CSMD3: variants seen among roughly 807,000 people sequenced by gnomAD.
The protein encoded by CSMD3 is CUB and Sushi multiple domains 3.
Under a neutral mutation model 435.2 loss-of-function variants are expected in CSMD3, and 177 were observed. The observed-to-expected ratio is 0.41, with a 90% CI of 0.36 to 0.46. The LOEUF (loss-of-function observed/expected upper bound fraction) is 0.46, where lower values mean the gene tolerates loss of function less well. CSMD3 is among the 20% of genes least tolerant of loss of function. The probability of loss-of-function intolerance (pLI) is 0.34; values close to 1 mark genes in which losing one functional copy is unlikely to be tolerated. For synonymous variants in CSMD3, 1,656 were observed against 1,520.5 expected, an observed-to-expected ratio of 1.09 and a Z score of -2.07; for missense variants, 4,265 against 4,504.6, an observed-to-expected ratio of 0.95 and a Z score of 1.52.
intron 30 of CSMD3, 25 bp from the exon 31 acceptor site, chr8:112,492,708 T>C: frequency 6.3e-7 from 1 of 1,587,128 alleles, no homozygotes. Flanking sequence ...TAGTATAACA[T>C]TAATTGCTTT....
chr8:112,714,583 C>T (rs1254099171), intron 13 of CSMD3, among the ~76,000 whole-genome samples: 1 of 152,190 alleles, frequency 6.6e-6, no homozygotes, highest in African/African-American at 2.4e-5. Flanking sequence ...ACCTAATCAA[C>T]ATCTACAGAA....
At position 112,492,698 on chromosome 8, in the gene CSMD3, T is replaced by C; in HGVS notation, c.5084-15A>G. The C allele has an allele frequency of 6.2e-7, 1 of 1,605,390 alleles. No homozygotes were observed. Among genetic ancestry groups the C allele is most frequent in the Non-Finnish European group, 8.5e-7 (1 of 1,172,138 alleles). The stretch of plus-strand genomic sequence containing the variant: ...TCGCAGTTTTGCTGTAAAACAGTGT[T>C]AGTATAACATTAATTGCTTTAAAAT... On this transcript the variant is annotated splice_polypyrimidine_tract_variant and intron_variant, in intron 30 of 70. Coordinates refer to ENST00000297405, the MANE Select transcript of CSMD3 (RefSeq NM_198123.2).
intron 37 of CSMD3, among the ~76,000 whole-genome samples, chr8:112,382,308 T>G: frequency 8.7e-6 from 1 of 114,698 alleles, no homozygotes; most frequent in Non-Finnish European, 2.0e-5. Context: ...AAAAAAAAAA[T>G]TAATAATACT....
At chr8:112,922,656 C>A (rs758741333) in intron 9 of CSMD3, among the ~76,000 whole-genome samples, 3 of 151,926 alleles carry the variant, frequency 2.0e-5, no homozygotes, top group African/African-American at 4.8e-5. Flanking sequence ...TGGCTCAATT[C>A]GCATAACAAT....
intron 24 of CSMD3, among the ~76,000 whole-genome samples, chr8:112,567,796 T>G (rs1829179188): frequency 6.6e-6 from 1 of 152,136 alleles, no homozygotes; most frequent in South Asian, 2.1e-4. Context: ...GATCTCAATT[T>G]CTGATCTGTT....
At position 112,646,864 on chromosome 8, in the gene CSMD3, G is replaced by A. The variant is rs944332186; in HGVS notation, c.3194-1639C>T. On this transcript the variant is annotated intron_variant, in intron 19 of 70. Coordinates refer to ENST00000297405, the MANE Select transcript of CSMD3 (RefSeq NM_198123.2). ...TTTTATAAGATGAAACTAAAAACAT[G>A]AAGACATAAATTTTATTTTATATCT... is the stretch of plus-strand genomic sequence containing the variant. Among the ~76,000 whole-genome samples the A allele has an allele frequency of 6.6e-5, 10 of 152,018 alleles. 1 individual carries two copies. The highest frequency in any genetic ancestry group is 6.5e-4 in the Admixed American group (10 of 15,268).
chr8:112,644,925 A>G (rs1586876845), intron 20 of CSMD3, among the ~76,000 whole-genome samples, 184 bp downstream of exon 20: 1 of 152,280 alleles, frequency 6.6e-6, no homozygotes, highest in East Asian at 1.9e-4. Flanking sequence ...TGAGCACAAT[A>G]TAATACTATA....
At chr8:113,249,503 T>G (rs1271546858) in intron 3 of CSMD3, among the ~76,000 whole-genome samples, 1 of 152,098 alleles carries the variant, frequency 6.6e-6, no homozygotes, top group Non-Finnish European at 1.5e-5. Context: ...TTGTACATAT[T>G]ATAAGGAATC....
chr8:113,394,249 C>G (rs1377348875), intron 1 of CSMD3, among the ~76,000 whole-genome samples: 2 of 151,784 alleles, frequency 1.3e-5, no homozygotes, highest in Non-Finnish European at 2.9e-5. Flanking sequence ...AACAGGATTA[C>G]TGTTTCCAGT....
At chr8:112,538,945 A>T (rs1310209687) in intron 27 of CSMD3, 1 of 152,544 alleles carries the variant, frequency 6.6e-6, no homozygotes, top group African/African-American at 2.4e-5. Context: ...CTGGAGTCCA[A>T]CTCATTATGA....
intron 13 of CSMD3, among the ~76,000 whole-genome samples, chr8:112,740,308 A>G (rs180710860): frequency 2.8e-3 from 423 of 151,884 alleles, no homozygotes; most frequent in Middle Eastern, 6.8e-3. Context: ...TGTTTTGATG[A>G]AGACCTAAAA....
intron 13 of CSMD3, among the ~76,000 whole-genome samples, chr8:112,772,789 C>T (rs756768018): frequency 6.6e-6 from 1 of 152,098 alleles, no homozygotes; most frequent in Admixed American, 6.6e-5. Flanking sequence ...GGCAGCAATA[C>T]TGCTCTTTAA....
At chr8:112,851,335 A>C (rs979722371) in intron 11 of CSMD3, among the ~76,000 whole-genome samples, 1 of 152,142 alleles carries the variant, frequency 6.6e-6, no homozygotes. Context: ...AAGCAAAAAA[A>C]CTAACATGGA....
chr8:113,180,939 A>G (rs890735531), intron 3 of CSMD3, among the ~76,000 whole-genome samples: 34 of 152,156 alleles, frequency 2.2e-4, no homozygotes, highest in African/African-American at 8.2e-4. Context: ...ATGAGGCCGC[A>G]TTTGCCGTTT....
At chr8:112,956,511 A>T (rs1330586593) in intron 7 of CSMD3, among the ~76,000 whole-genome samples, 1 of 152,150 alleles carries the variant, frequency 6.6e-6, no homozygotes, top group Non-Finnish European at 1.5e-5. Flanking sequence ...TTTTCTCTGC[A>T]TTATAAGATT....
At chr8:112,632,776 T>G (rs2131562905) in intron 22 of CSMD3, among the ~76,000 whole-genome samples, 1 of 152,102 alleles carries the variant, frequency 6.6e-6, no homozygotes, top group Non-Finnish European at 1.5e-5. Flanking sequence ...TTTCTTATTT[T>G]AATCAACTTA....
At chr8:112,452,724 T>C (rs537602929) in intron 32 of CSMD3, among the ~76,000 whole-genome samples, 1 of 152,198 alleles carries the variant, frequency 6.6e-6, no homozygotes, top group African/African-American at 2.4e-5. Flanking sequence ...ATTTAAATAA[T>C]GCATTTTTTC....
intron 30 of CSMD3, among the ~76,000 whole-genome samples, chr8:112,496,063 C>T (rs776975810): frequency 5.9e-5 from 9 of 151,986 alleles, no homozygotes; most frequent in Middle Eastern, 3.4e-3. Flanking sequence ...TCCGCCTCTC[C>T]GGTTCACACC....
intron 1 of CSMD3, among the ~76,000 whole-genome samples, chr8:113,320,635 A>G (rs2132705065): frequency 6.6e-6 from 1 of 152,188 alleles, no homozygotes; most frequent in East Asian, 1.9e-4. Flanking sequence ...TCTTTTTTAA[A>G]AAATTGTTCT....
Sources: gnomAD v4.1 joint callset for allele counts (sites outside exome capture counted in the v4.1 genomes callset) on GRCh38, gnomAD v4.1.1 for gene constraint, MANE v1.5 for transcripts, NCBI Gene and HGNC (gene_info 2026-07-23, HGNC 2026-07-21) for gene names.